DIO2: variants seen among roughly 807,000 people sequenced by gnomAD.
DIO2 encodes the protein type II iodothyronine deiodinase.
A neutral mutation model predicts 21.4 loss-of-function variants in DIO2; 19 were observed. The observed-to-expected ratio is 0.89, with a 90% CI of 0.62 to 1.30. The LOEUF is 1.30. Among genes scored for constraint, DIO2 ranks in the 50% most tolerant of loss-of-function variants. DIO2 has a pLI of 0.00. For missense variants in DIO2, 302 were observed against 338.1 expected (o/e 0.89, Z 0.84); for synonymous variants, 122 against 132.9 (o/e 0.92, Z 0.57).
At position 80,198,853 on chromosome 14, in the gene DIO2, T is replaced by C. The variant is rs1887597484; in HGVS notation, c.*3836A>G. The stretch of plus-strand genomic sequence containing the variant: ...CTGCTGAGACACATGACAGTGGGGA[T>C]GTTCTGAAAAGCTCTAAATGCTAGT... On this transcript the variant is annotated 3_prime_UTR_variant, in exon 2 of 2. Transcript: ENST00000438257. 6.6e-6 allele frequency: 1 copy of C among 151,534 alleles called. No homozygotes were observed. The highest frequency in any genetic ancestry group is 2.4e-5 in the African/African-American group (1 of 41,228). The allele number at this position is 151,534 out of a possible 1,614,324, so 9.4% of individuals were successfully genotyped here.
At chr14:80,226,524 A>G (rs565458939) in intron 2 of DIO2, among the ~76,000 whole-genome samples, 1 of 152,332 alleles carries the variant, frequency 6.6e-6, no homozygotes, top group African/African-American at 2.4e-5. Context: ...CCATGATGGA[A>G]GAGGTCCAAT....
Position 80,210,392 on chromosome 14 carries a change from T to C in DIO2, c.222+859A>G, listed in dbSNP as rs150239624. Among the ~76,000 whole-genome samples, 513 of 152,304 alleles carry C rather than the reference T, an allele frequency of 3.4e-3. 1 individual carries two copies. The highest frequency in any genetic ancestry group is 5.0e-3 in the Non-Finnish European group (341 of 68,022). On this transcript the variant is annotated intron_variant, in intron 1 of 1. Transcript: ENST00000438257. ...ACTTAGAAACTAAGATCACTACCTC[T>C]GATTTTGAGAGAGCAGCCCCTGGGC... is the stretch of plus-strand genomic sequence containing the variant.
chr14:80,211,600 G>GA (rs985723689), upstream of DIO2: 9 of 617,126 alleles, frequency 1.5e-5, no homozygotes, highest in Middle Eastern at 4.6e-4. Context: ...GGGAGAAGGG[G>GA]AAAAAAAACT....
At chr14:80,206,181 G>T in intron 1 of DIO2, 1 of 1,189,728 alleles carries the variant, frequency 8.4e-7, no homozygotes, top group Non-Finnish European at 1.2e-6. Context: ...AAAATGCATA[G>T]ATAAAATTAA....
At chr14:80,225,317 T>A (rs1251125296) in intron 2 of DIO2, among the ~76,000 whole-genome samples, 1 of 152,094 alleles carries the variant, frequency 6.6e-6, no homozygotes, top group African/African-American at 2.4e-5. Flanking sequence ...ATAAAGACAA[T>A]AATAAGGTCA....
At chr14:80,229,626 C>T (rs1300983865) in intron 2 of DIO2, among the ~76,000 whole-genome samples, 1 of 152,166 alleles carries the variant, frequency 6.6e-6, no homozygotes, top group Non-Finnish European at 1.5e-5. Flanking sequence ...TACATTAAGC[C>T]AAGGAAGATC....
chr14:80,214,406 A>G (rs1888301509), upstream of DIO2, among the ~76,000 whole-genome samples: 1 of 152,256 alleles, frequency 6.6e-6, no homozygotes, highest in African/African-American at 2.4e-5. Context: ...TGAAGTTCAA[A>G]GCATATCCAG....
intron 2 of DIO2, among the ~76,000 whole-genome samples, chr14:80,222,583 A>C (rs879185369): frequency 6.6e-6 from 1 of 152,182 alleles, no homozygotes; most frequent in Non-Finnish European, 1.5e-5. Context: ...AAATGCAAAA[A>C]ATTTCCTATA....
intron 1 of DIO2, chr14:80,206,114 T>C: frequency 1.4e-6 from 1 of 729,000 alleles, no homozygotes; most frequent in Non-Finnish European, 2.2e-6. Flanking sequence ...GGTCCCTTAC[T>C]GAATGTTATA....
intron 2 of DIO2, among the ~76,000 whole-genome samples, chr14:80,221,251 T>C (rs1268256829): frequency 6.6e-6 from 1 of 152,130 alleles, no homozygotes; most frequent in African/African-American, 2.4e-5. Flanking sequence ...ACCTAGCTAA[T>C]TGATTTTTTT....
chr14:80,210,813 TCTTG>T (rs1427775769), intron 1 of DIO2, among the ~76,000 whole-genome samples: 1 of 152,214 alleles, frequency 6.6e-6, no homozygotes, highest in Admixed American at 6.5e-5. Context: ...ATTTCTCATT[TCTTG>T]CTTTTCAGTA....
chr14:80,212,333 C>T (rs969988473), upstream of DIO2, among the ~76,000 whole-genome samples: 1 of 140,094 alleles, frequency 7.1e-6, no homozygotes, highest in Non-Finnish European at 1.6e-5. Context: ...CAAAACTCGA[C>T]AACTTTTTTT....
intron 1 of DIO2, among the ~76,000 whole-genome samples, chr14:80,206,894 T>C (rs1206750269): frequency 6.6e-6 from 1 of 152,172 alleles, no homozygotes. Flanking sequence ...CCTGCCAGCA[T>C]TAGCCGCTCT....
chr14:80,202,713 T>C lies in DIO2; in HGVS notation c.798A>G (p.Sec266Trp). 6.2e-7 allele frequency: 1 copy of C among 1,613,418 alleles called. No homozygotes were observed. The highest frequency in any genetic ancestry group is 8.5e-7 in the Non-Finnish European group (1 of 1,179,616). The change falls in exon 2 of 2, where the codon TGA becomes TGG. Residue 266 changes from selenocysteine to tryptophan, a missense_variant. Transcript: ENST00000438257. Reference protein sequence around the residue: ...HWLEKNFSKRUKKTRLAG With the variant: ...HWLEKNFSKRWKKTRLAG ...TTTAACCAGCTAATCTAGTTTTCTTTCATCTCTTGCTGAAATTCTTCTCCA... is the reference window on the plus strand; with the variant it reads ...TTTAACCAGCTAATCTAGTTTTCTTCCATCTCTTGCTGAAATTCTTCTCCA...
intron 1 of DIO2, among the ~76,000 whole-genome samples, chr14:80,204,472 C>G (rs546516296): frequency 6.6e-6 from 1 of 152,096 alleles, no homozygotes; most frequent in Non-Finnish European, 1.5e-5. Flanking sequence ...AAGTTTGCAG[C>G]CTTTGAATCT....
chr14:80,222,868 T>A (rs1295312412), intron 2 of DIO2, among the ~76,000 whole-genome samples: 1 of 151,744 alleles, frequency 6.6e-6, no homozygotes, highest in East Asian at 1.9e-4. Context: ...TTCTTTTTTT[T>A]TTTTTTTGAG....
rs1189211224 is a variant in DIO2, at chr14:80,197,902, G to A, written c.*4787C>T. ...GGCGCCCGATTACTTGGGCTAGTGA[G>A]TCTGGTGACAATGTGATGCAAAACT... is the stretch of plus-strand genomic sequence containing the variant. On this transcript the variant is annotated 3_prime_UTR_variant, in exon 2 of 2. Coordinates refer to ENST00000438257, the MANE Select transcript of DIO2 (RefSeq NM_013989.5). 6.5e-6 allele frequency: 1 copy of A among 152,690 alleles called. No homozygotes were observed. 9.5% of individuals were successfully genotyped at this position (152,690 alleles called of 1,614,324 possible).
Position 80,203,152 on chromosome 14 carries a change from G to C in DIO2, c.359C>G (p.Pro120Arg), listed in dbSNP as rs764684757. ...AAAGTTGACCACTAGTGGGCGCTCA[G>C]GGCTGGCAAAGTCAAGAAGGTGGCA... ...ATCHLLDFASPERPLVVNFGS... is the reference protein window; with the variant it reads ...ATCHLLDFASRERPLVVNFGS... Residue 120 changes from proline to arginine, a missense_variant, in exon 2 of 2, where the codon CCT (proline) becomes CGT (arginine). Physicochemically the swap from Pro to Arg is moderately radical, Grantham distance 103 (BLOSUM62 -2). Transcript: ENST00000438257. 22 of 1,612,728 alleles carry C rather than the reference G, an allele frequency of 1.4e-5. No individual in the cohort carries two copies. The South Asian group carries it at 1.8e-4, about 13-fold the overall frequency.
chr14:80,230,091 TCAGA>T (rs1409534669), intron 2 of DIO2, among the ~76,000 whole-genome samples: 1 of 152,110 alleles, frequency 6.6e-6, no homozygotes, highest in African/African-American at 2.4e-5. Context: ...GTTTATCTCC[TCAGA>T]CAAAGGTGGA....
Sources: allele counts gnomAD v4.1 joint callset (sites outside exome capture counted in the v4.1 genomes callset), GRCh38; gene constraint gnomAD v4.1.1; transcripts MANE v1.5; gene names NCBI Gene and HGNC (gene_info 2026-07-23, HGNC 2026-07-21).